ABCC6: variants seen among roughly 807,000 people sequenced by gnomAD.
The protein encoded by ABCC6 is ATP-binding cassette sub-family C member 6.
A neutral mutation model predicts 169.5 loss-of-function variants in ABCC6; 126 were observed. That is an observed-to-expected ratio of 0.74 (90% CI 0.64 to 0.86). ABCC6 has a LOEUF of 0.86. ABCC6 is among the 40% of genes least tolerant of loss of function. The probability of loss-of-function intolerance (pLI) is 0.00; values close to 1 mark genes in which losing one functional copy is unlikely to be tolerated. For missense variants in ABCC6, 1,733 were observed against 1,927.2 expected (o/e 0.90, Z 1.89); for synonymous variants, 752 against 814.7 (o/e 0.92, Z 1.31).
At chr16:16,196,849 C>T (rs1462727025) in intron 10 of ABCC6, among the ~76,000 whole-genome samples, 2 of 152,044 alleles carry the variant, frequency 1.3e-5, no homozygotes, top group African/African-American at 2.4e-5. Context: ...TTATAGGCAC[C>T]CACCACTATG....
intron 20 of ABCC6, 74 bp from the exon 21 acceptor site, chr16:16,173,478 C>T (rs1174161648): frequency 5.7e-6 from 9 of 1,586,530 alleles, no homozygotes; most frequent in South Asian, 3.3e-5. Context: ...AACCCTCAGG[C>T]CCACTGACAG....
chr16:16,201,593 G>A (rs1430241827), intron 9 of ABCC6, among the ~76,000 whole-genome samples: 2 of 152,004 alleles, frequency 1.3e-5, no homozygotes, highest in African/African-American at 2.4e-5. Flanking sequence ...AATAACTAAG[G>A]AGCTGAGACA....
intron 14 of ABCC6, among the ~76,000 whole-genome samples, chr16:16,185,895 G>A (rs2047642166): frequency 1.3e-5 from 2 of 152,180 alleles, no homozygotes; most frequent in South Asian, 4.1e-4. Flanking sequence ...TTGCCTGAAA[G>A]ATTTTCTAAA....
Position 16,165,721 on chromosome 16 carries a change from C to T in ABCC6, c.3208G>A (p.Ala1070Thr), listed in dbSNP as rs369518454. 7 of 1,613,680 alleles carry T rather than the reference C, an allele frequency of 4.3e-6. No individual in the cohort carries two copies. Among genetic ancestry groups the T allele is most frequent in the African/African-American group, 2.7e-5 (2 of 75,052 alleles). The change falls in exon 23 of 31, where the codon GCC becomes ACC. Residue 1070 changes from alanine to threonine, a missense_variant. Physicochemically the swap from Ala to Thr is moderately conservative, Grantham distance 58. Coordinates refer to ENST00000205557, the MANE Select transcript of ABCC6 (RefSeq NM_001171.6). ...AGGCTGACCTCCAGGAGTCCAAAGG[C>T]GTACATCAGCAGGGACCGGAGTTTG... ...PDKLRSLLMYAFGLLEVSLVV... is the reference protein window; with the variant it reads ...PDKLRSLLMYTFGLLEVSLVV...
At chr16:16,164,133 A>G (rs2046810516) in intron 23 of ABCC6, among the ~76,000 whole-genome samples, 1 of 152,080 alleles carries the variant, frequency 6.6e-6, no homozygotes, top group Non-Finnish European at 1.5e-5. Context: ...TCCCGGGCTC[A>G]AGCAATCCTC....
chr16:16,219,070 A>C (rs2048982723), intron 4 of ABCC6, among the ~76,000 whole-genome samples: 1 of 135,996 alleles, frequency 7.4e-6, no homozygotes, highest in Non-Finnish European at 1.6e-5. Context: ...AAAAAAAAAA[A>C]AAAAAAAAAA....
intron 24 of ABCC6, among the ~76,000 whole-genome samples, 196 bp downstream of exon 24, chr16:16,162,797 G>A (rs1039661276): frequency 4.6e-5 from 7 of 151,964 alleles, no homozygotes; most frequent in South Asian, 2.1e-4. Context: ...TGTACCCCCC[G>A]CCCACCTGCT....
chr16:16,183,126 C>T (rs2047535918), intron 15 of ABCC6, among the ~76,000 whole-genome samples, 196 bp from the exon 16 acceptor site: 3 of 152,180 alleles, frequency 2.0e-5, no homozygotes, highest in Admixed American at 6.5e-5. Context: ...TACACATGCA[C>T]ACAAAGCGTG....
intron 25 of ABCC6, among the ~76,000 whole-genome samples, chr16:16,160,737 G>A (rs547939884): frequency 7.9e-5 from 12 of 151,690 alleles, no homozygotes; most frequent in African/African-American, 2.9e-4. Context: ...GCCTGGAGAT[G>A]GAGGCTGAAG....
At chr16:16,215,282 C>A (rs1358720929) in intron 4 of ABCC6, among the ~76,000 whole-genome samples, 1 of 152,128 alleles carries the variant, frequency 6.6e-6, no homozygotes, top group Non-Finnish European at 1.5e-5. Flanking sequence ...AGTGACAGCA[C>A]CTTGTTCAAG....
At position 16,214,277 on chromosome 16, in the gene ABCC6, G is replaced by C. The variant is rs1257336649; in HGVS notation, c.600+47C>G. 6.5e-7 allele frequency: 1 copy of C among 1,547,646 alleles called. No homozygotes were observed. The highest frequency in any genetic ancestry group is 1.2e-5 in the South Asian group (1 of 83,778). On this transcript the variant is annotated intron_variant, in intron 5 of 30. Coordinates refer to ENST00000205557, the MANE Select transcript of ABCC6 (RefSeq NM_001171.6). ...GACTTTTGGTCACCTGGGGGAGACT[G>C]AGACCTCAAAGTGGAACAGGAATGA...
intron 7 of ABCC6, 21 bp from the exon 8 acceptor site, chr16:16,203,634 A>G: frequency 6.2e-7 from 1 of 1,613,420 alleles, no homozygotes. Context: ...GGGAGAGATT[A>G]GCTCTGGGTC....
chr16:16,219,376 G>A (rs2048999370), intron 4 of ABCC6, among the ~76,000 whole-genome samples, 178 bp downstream of exon 4: 1 of 152,150 alleles, frequency 6.6e-6, no homozygotes, highest in South Asian at 2.1e-4. Context: ...GAAATGTATG[G>A]GATGATGGGT....
At position 16,163,079 on chromosome 16, in the gene ABCC6, G is replaced by T. The variant is rs1184430665; in HGVS notation, c.3420C>A (p.Phe1140Leu). 1 of 1,613,820 alleles carries T rather than the reference G, an allele frequency of 6.2e-7. No individual in the cohort carries two copies. The highest frequency in any genetic ancestry group is 1.3e-5 in the African/African-American group (1 of 74,946). ...TFQGSTVVRA[F>L]RTQAPFVAQN... ...GAGCCACAAAGGGGGCCTGGGTTCG[G>T]AATGCCCGGACCACTGTGCTGCCCT... The change falls in exon 24 of 31, where the codon TTC becomes TTA. Residue 1140 changes from phenylalanine (F) to leucine (L), a missense_variant. Coordinates refer to ENST00000205557, the MANE Select transcript of ABCC6 (RefSeq NM_001171.6).
rs774355343 is a variant in ABCC6, at chr16:16,161,536, C to G, written c.3535G>C (p.Gly1179Arg). The G allele has an allele frequency of 1.9e-6, 3 of 1,613,964 alleles. No homozygotes were observed. Among genetic ancestry groups the G allele is most frequent in the Admixed American group, 3.3e-5 (2 of 60,028 alleles). ...GCAGCTGCAAACACCAGGCCATTCC[C>G]CAGGAGCTCCACATTGGCCGCAAGC... ...RWLAANVELL[G>R]NGLVFAAATC... Residue 1179 changes from glycine (G) to arginine (R), a missense_variant, in exon 25 of 31, where the codon GGG becomes CGG. Coordinates refer to ENST00000205557, the MANE Select transcript of ABCC6 (RefSeq NM_001171.6).
At chr16:16,192,792 A>G in intron 11 of ABCC6, 38 bp downstream of exon 11, 2 of 1,577,944 alleles carry the variant, frequency 1.3e-6, no homozygotes, top group Non-Finnish European at 1.7e-6. Context: ...CTTCCTCCCT[A>G]CTTCCTGCCT....
rs749892052 is a variant in ABCC6 at position 16,177,609 on chromosome 16, C to T, written c.2433G>A (p.Thr811=). Residue 811 remains threonine, a synonymous_variant, in exon 19 of 31, where the codon ACG becomes ACA. Transcript: ENST00000205557. ...LLQGTTRILV[T]HALHILPQAD... ...CCTGGGGCAGGATGTGGAGTGCGTG[C>T]GTCACGAGAATCCGTGTCTGGGCAG... 43 of 1,614,160 alleles carry T rather than the reference C, an allele frequency of 2.7e-5. No individual in the cohort carries two copies. Among genetic ancestry groups the T allele is most frequent in the South Asian group, 4.4e-5 (4 of 91,090 alleles).
intron 23 of ABCC6, among the ~76,000 whole-genome samples, chr16:16,163,598 G>T (rs917665994): frequency 2.0e-5 from 3 of 152,106 alleles, no homozygotes; most frequent in Non-Finnish European, 4.4e-5. Flanking sequence ...CTGGTCAGTG[G>T]GAGAACAAAA....
In ABCC6 at chr16:16,157,772, G is replaced by C. The variant is rs974849688; in HGVS notation, c.3773C>G (p.Pro1258Arg). The change falls in exon 27 of 31, where the codon CCC becomes CGC. Residue 1258 changes from proline (P) to arginine (R), a missense_variant. By Grantham distance (103) the Pro-to-Arg change is moderately radical. Around this residue, in one of 5 missense-constraint regions of ABCC6, gnomAD observed 1,601 missense variants for 1,635.5 expected, o/e 0.98. Transcript: ENST00000205557. The part of the protein sequence containing the change: ...WRLPTCAAQP[P>R]WPQGGQIEFR... ...CTCGATCTGCCCGCCCTGAGGCCAG[G>C]GGGGCTGAGCTGCACATGTGGGCAG... is the stretch of plus-strand genomic sequence containing the variant. 13 of 1,613,546 alleles carry C rather than the reference G, an allele frequency of 8.1e-6. No homozygotes were observed. In the East Asian group the frequency reaches 1.6e-4, roughly 19 times the overall value.
Sources: gnomAD v4.1 joint callset for allele counts (sites outside exome capture counted in the v4.1 genomes callset) on GRCh38, gnomAD v4.1.1 for gene constraint, gnomAD v4.1.1 regional missense constraint, MANE v1.5 for transcripts, NCBI Gene and HGNC (gene_info 2026-07-23, HGNC 2026-07-21) for gene names.